The following PATJ variants were observed in gnomAD, a reference collection of about 807,000 sequenced individuals.
The protein encoded by PATJ is PATJ crumbs cell polarity complex component.
PATJ carries 190 observed loss-of-function variants against 224.9 expected under a neutral mutation model. That is an observed-to-expected ratio of 0.84 (90% confidence interval 0.75 to 0.95). PATJ has a LOEUF of 0.95. Among genes scored for constraint, PATJ ranks in the 40% least tolerant of loss-of-function variants. The pLI is 0.00. For synonymous variants in PATJ, 769 were observed against 820.3 expected (o/e 0.94, Z 1.07); for missense variants, 2,121 against 2,270.3 (o/e 0.93, Z 1.34).
chr1:61,951,991 G>A (rs1679750471), intron 27 of PATJ: 1 of 184,634 alleles, frequency 5.4e-6, no homozygotes, highest in African/African-American at 2.3e-5. Flanking sequence ...AAATGGTTGA[G>A]GTTATAATGC....
intron 19 of PATJ, among the ~76,000 whole-genome samples, chr1:61,861,910 G>A (rs771780190): frequency 6.6e-6 from 1 of 152,120 alleles, no homozygotes; most frequent in Non-Finnish European, 1.5e-5. Context: ...CACCCAGGCT[G>A]GAGTGCAGTG....
intron 43 of PATJ, among the ~76,000 whole-genome samples, chr1:62,153,730 GTGTCTTCTTTC>G (rs1668861304): frequency 6.6e-6 from 1 of 152,100 alleles, no homozygotes; most frequent in Admixed American, 6.6e-5. Context: ...GATTTTTAGA[GTGTCTTCTTTC>G]AGCAACACAG....
chr1:61,756,198 G>A (rs1157814621), intron 1 of PATJ, among the ~76,000 whole-genome samples: 1 of 152,202 alleles, frequency 6.6e-6, no homozygotes, highest in African/African-American at 2.4e-5. Flanking sequence ...TATGGGCCAA[G>A]CATCAGTTTG....
chr1:61,949,215 TAAAA>T (rs766673205), intron 27 of PATJ, among the ~76,000 whole-genome samples: 6 of 145,412 alleles, frequency 4.1e-5, no homozygotes, highest in South Asian at 2.2e-4. Flanking sequence ...AGTATAATAA[TAAAA>T]AAAAAGAAAA....
At chr1:61,829,735 C>CT (rs377501765) in intron 16 of PATJ, among the ~76,000 whole-genome samples, 1 of 152,132 alleles carries the variant, frequency 6.6e-6, no homozygotes, top group African/African-American at 2.4e-5. Flanking sequence ...CCATCTGTCT[C>CT]TTTTTTCATT....
At chr1:62,107,301 A>G (rs1191624898) in intron 33 of PATJ, among the ~76,000 whole-genome samples, 2 of 149,332 alleles carry the variant, frequency 1.3e-5, no homozygotes, top group Admixed American at 6.7e-5. Context: ...GTGAGAGTCC[A>G]TCTCAAAAAA....
chr1:61,886,144 T>A (rs1457784265), intron 22 of PATJ, among the ~76,000 whole-genome samples: 1 of 151,682 alleles, frequency 6.6e-6, no homozygotes, highest in East Asian at 1.9e-4. Context: ...AAACTGCACA[T>A]TGTGCACATG....
At position 62,162,703 on chromosome 1, in the gene PATJ, C is replaced by T. The variant is rs1669923330; in HGVS notation, c.*1649C>T. The T allele has an allele frequency of 6.2e-6, 1 of 162,150 alleles. No individual in the cohort carries two copies. The highest frequency in any genetic ancestry group is 2.4e-5 in the African/African-American group (1 of 41,514). The allele number at this position is 162,150 out of a possible 1,614,324, so 10.0% of individuals were successfully genotyped here. A position where few individuals can be genotyped will look rare whatever the true frequency, so the allele number is the denominator to read the frequency against. On this transcript the variant is annotated 3_prime_UTR_variant, in exon 44 of 44. Coordinates refer to ENST00000642238, the MANE Select transcript of PATJ (RefSeq NM_001350145.3). ...GTGGCTCACGCCTGTAATCCCAGCA[C>T]TTTGGGAGGCCAGGGCAGGCGAATC...
chr1:61,903,327 A>G (rs1557851321), intron 24 of PATJ, among the ~76,000 whole-genome samples: 1 of 152,214 alleles, frequency 6.6e-6, no homozygotes, highest in Non-Finnish European at 1.5e-5. Context: ...ATGCAAAAGA[A>G]TAAAGTGGCA....
intron 22 of PATJ, among the ~76,000 whole-genome samples, chr1:61,891,556 C>T (rs552264739): frequency 4.6e-5 from 7 of 152,184 alleles, no homozygotes; most frequent in African/African-American, 1.7e-4. Flanking sequence ...GCTGTTGCAG[C>T]GGTGGCCCAC....
chr1:61,893,569 G>A (rs1669907018), intron 22 of PATJ, among the ~76,000 whole-genome samples: 4 of 151,380 alleles, frequency 2.6e-5, no homozygotes, highest in Non-Finnish European at 1.5e-5. Flanking sequence ...GGGAGGCTGA[G>A]GCAGGAGGAT....
intron 1 of PATJ, among the ~76,000 whole-genome samples, chr1:61,753,013 AGTTT>A (rs1645418439): frequency 6.6e-6 from 1 of 152,158 alleles, no homozygotes; most frequent in South Asian, 2.1e-4. Context: ...TGGCTAGGAA[AGTTT>A]GTTTTTCGTT....
At chr1:61,803,308 A>G (rs1652916757) in intron 12 of PATJ, among the ~76,000 whole-genome samples, 1 of 152,148 alleles carries the variant, frequency 6.6e-6, no homozygotes, top group African/African-American at 2.4e-5. Context: ...TAAAACATTC[A>G]ATTTTTTTTT....
intron 43 of PATJ, among the ~76,000 whole-genome samples, chr1:62,158,612 T>C (rs1396791972): frequency 6.8e-6 from 1 of 147,222 alleles, no homozygotes; most frequent in African/African-American, 2.5e-5. Context: ...TCCCAGCTAC[T>C]CGGGAGGCTG....
chr1:62,048,460 C>T (rs1370073517), intron 30 of PATJ, among the ~76,000 whole-genome samples: 1 of 143,714 alleles, frequency 7.0e-6, no homozygotes, highest in Non-Finnish European at 1.5e-5. Context: ...GCAGGAGAGT[C>T]GCTTGAACCC....
chr1:62,150,451 G>A (rs1668502908), intron 42 of PATJ, among the ~76,000 whole-genome samples: 1 of 152,094 alleles, frequency 6.6e-6, no homozygotes. Context: ...TGGATATGGG[G>A]CATAACTCAG....
intron 13 of PATJ, among the ~76,000 whole-genome samples, chr1:61,807,920 G>T (rs1174031963): frequency 6.6e-6 from 1 of 152,166 alleles, no homozygotes; most frequent in African/African-American, 2.4e-5. Context: ...TTTAGGCCAG[G>T]ATTAAAAGCT....
At chr1:61,808,661 G>T in intron 14 of PATJ, 131 bp downstream of exon 14, 1 of 573,306 alleles carries the variant, frequency 1.7e-6, no homozygotes, top group South Asian at 2.6e-5. Context: ...AAAGTGTTAG[G>T]ATTACAGGTG....
intron 29 of PATJ, among the ~76,000 whole-genome samples, chr1:62,019,316 G>A (rs1347469951): frequency 6.6e-6 from 1 of 150,806 alleles, no homozygotes; most frequent in African/African-American, 2.4e-5. Flanking sequence ...GAGGTCAGGA[G>A]TGCGAGACCA....
Sources: allele counts gnomAD v4.1 joint callset (sites outside exome capture counted in the v4.1 genomes callset), GRCh38; gene constraint gnomAD v4.1.1; transcripts MANE v1.5; gene names NCBI Gene and HGNC (gene_info 2026-07-23, HGNC 2026-07-21).